STXBP5L: variants seen among roughly 807,000 people sequenced by gnomAD.
STXBP5L encodes the protein syntaxin-binding protein 5-like.
STXBP5L carries 65 observed loss-of-function variants against 144.5 expected under a neutral mutation model. The observed-to-expected ratio is 0.45, with a 90% confidence interval of 0.37 to 0.55. The LOEUF (loss-of-function observed/expected upper bound fraction) is 0.55, where lower values mean the gene tolerates loss of function less well. STXBP5L is among the 20% of genes least tolerant of loss of function. The probability of loss-of-function intolerance (pLI) is 0.00; values close to 1 mark genes in which losing one functional copy is unlikely to be tolerated. For missense variants in STXBP5L, 1,298 were observed against 1,405.5 expected (o/e 0.92, Z 1.22); for synonymous variants, 505 against 469.6 (o/e 1.08, Z -0.97).
At chr3:121,217,756 A>AT (rs2048829672) in intron 10 of STXBP5L, among the ~76,000 whole-genome samples, 1 of 151,804 alleles carries the variant, frequency 6.6e-6, no homozygotes, top group Non-Finnish European at 1.5e-5. Flanking sequence ...CCAATCTTTG[A>AT]TTTTCTGTAG....
At chr3:121,346,268 C>G (rs972355945) in intron 20 of STXBP5L, among the ~76,000 whole-genome samples, 8 of 152,026 alleles carry the variant, frequency 5.3e-5, no homozygotes, top group African/African-American at 1.9e-4. Flanking sequence ...CATGTCCCTA[C>G]AAAGGACATG....
chr3:120,993,758 C>T (rs1187713552), intron 3 of STXBP5L, among the ~76,000 whole-genome samples: 1 of 151,746 alleles, frequency 6.6e-6, no homozygotes, highest in Non-Finnish European at 1.5e-5. Flanking sequence ...TGTTCTTTTT[C>T]TTTAGGATTG....
intron 9 of STXBP5L, among the ~76,000 whole-genome samples, chr3:121,185,036 C>T (rs1255436370): frequency 6.6e-6 from 1 of 152,166 alleles, no homozygotes; most frequent in Admixed American, 6.5e-5. Flanking sequence ...ACCAGGCCTG[C>T]TTTACAAGAG....
chr3:121,357,365 C>G (rs2045554086), intron 20 of STXBP5L: 1 of 155,820 alleles, frequency 6.4e-6, no homozygotes, highest in Non-Finnish European at 1.5e-5. Flanking sequence ...ATTTAAAGGC[C>G]AATTAATTTC....
intron 19 of STXBP5L, among the ~76,000 whole-genome samples, chr3:121,284,765 G>A (rs182095472): frequency 5.6e-4 from 85 of 152,152 alleles, no homozygotes; most frequent in Admixed American, 5.5e-3. Flanking sequence ...GAGACCTAAC[G>A]TTTTAAGTCA....
intron 18 of STXBP5L, among the ~76,000 whole-genome samples, chr3:121,270,232 CTT>C (rs34309576): frequency 5.1e-3 from 706 of 137,246 alleles, no homozygotes; most frequent in East Asian, 0.025. Context: ...AGAAGAAGAG[CTT>C]TTTTTTTTTT....
At chr3:121,372,881 G>T (rs1355575164) in intron 20 of STXBP5L, among the ~76,000 whole-genome samples, 1 of 151,990 alleles carries the variant, frequency 6.6e-6, no homozygotes, top group Non-Finnish European at 1.5e-5. Flanking sequence ...TTAATTTTTT[G>T]TCTAAATGGA....
intron 3 of STXBP5L, among the ~76,000 whole-genome samples, chr3:120,981,945 G>C (rs1191196134): frequency 6.6e-6 from 1 of 152,152 alleles, no homozygotes; most frequent in Non-Finnish European, 1.5e-5. Context: ...TGAGTTCCTT[G>C]GTTATAGATA....
intron 5 of STXBP5L, among the ~76,000 whole-genome samples, chr3:121,103,092 C>A (rs1201981285): frequency 1.3e-5 from 2 of 152,132 alleles, no homozygotes. Context: ...AATGTTTGTA[C>A]ACCTTTGGTG....
chr3:120,937,546 A>C (rs925599822), intron 2 of STXBP5L, among the ~76,000 whole-genome samples: 2 of 152,120 alleles, frequency 1.3e-5, no homozygotes, highest in African/African-American at 4.8e-5. Flanking sequence ...TGTGATCCCT[A>C]TATCTGCCTG....
In STXBP5L at chr3:121,420,661, A is replaced by G. The variant is rs1302972201; in HGVS notation, c.*1564A>G. 2 of 152,168 alleles carry G rather than the reference A, an allele frequency of 1.3e-5. No individual in the cohort carries two copies. Among genetic ancestry groups the G allele is most frequent in the Non-Finnish European group, 2.9e-5 (2 of 68,016 alleles). The allele number at this position is 152,168 out of a possible 1,614,324, so 9.4% of individuals were successfully genotyped here. On this transcript the variant is annotated 3_prime_UTR_variant, in exon 27 of 27. Coordinates refer to ENST00000471454, the MANE Select transcript of STXBP5L (RefSeq NM_001308330.2). ...CTGTAATATGTTGTTTCGTCAAGAA[A>G]AGTTTTAATTATGGTTTTGGCTTAT...
At chr3:121,172,017 G>T (rs1324688121) in intron 9 of STXBP5L, among the ~76,000 whole-genome samples, 3 of 152,078 alleles carry the variant, frequency 2.0e-5, no homozygotes, top group African/African-American at 7.2e-5. Context: ...TAGACCAATG[G>T]AACAGAACCA....
chr3:121,056,873 T>G (rs1032786067), intron 5 of STXBP5L, among the ~76,000 whole-genome samples: 4 of 151,510 alleles, frequency 2.6e-5, no homozygotes, highest in Non-Finnish European at 4.4e-5. Context: ...ATATCATATA[T>G]AGAGAGAATA....
intron 9 of STXBP5L, among the ~76,000 whole-genome samples, chr3:121,166,117 G>A (rs1294501377): frequency 6.6e-6 from 1 of 151,986 alleles, no homozygotes; most frequent in Non-Finnish European, 1.5e-5. Context: ...TTGGACTCAA[G>A]TGATACTCCC....
intron 20 of STXBP5L, among the ~76,000 whole-genome samples, chr3:121,334,434 CACA>C (rs2044431453): frequency 6.9e-6 from 1 of 144,344 alleles, no homozygotes; most frequent in African/African-American, 2.5e-5. Context: ...CTGGCAGGGA[CACA>C]ACAACAAAAA....
At chr3:121,256,834 G>A (rs1386479462) in intron 16 of STXBP5L, among the ~76,000 whole-genome samples, 2 of 151,072 alleles carry the variant, frequency 1.3e-5, no homozygotes, top group African/African-American at 4.8e-5. Flanking sequence ...TATATAAATT[G>A]TAATTTATAC....
rs535280267 is a variant in STXBP5L at position 121,373,290 on chromosome 3, C to T, written c.2177-5426C>T. Among the ~76,000 whole-genome samples, 4 of 152,334 alleles carry T rather than the reference C, an allele frequency of 2.6e-5. No individual in the cohort carries two copies. In the South Asian group the frequency reaches 6.2e-4, roughly 24 times the overall value. On this transcript the variant is annotated intron_variant, in intron 20 of 26. Transcript: ENST00000471454. ...TGAGAGATTCCTAGCAGTCCACATT[C>T]CAACCACAAATGCCTGCAGTCCTAG...
chr3:121,015,429 G>A (rs957694545), intron 3 of STXBP5L, among the ~76,000 whole-genome samples: 2 of 152,112 alleles, frequency 1.3e-5, no homozygotes, highest in Admixed American at 1.3e-4. Flanking sequence ...GAAGCCTGAA[G>A]AGAAAAGCAA....
At chr3:121,054,444 C>T (rs1448569885) in intron 5 of STXBP5L, among the ~76,000 whole-genome samples, 1 of 151,950 alleles carries the variant, frequency 6.6e-6, no homozygotes, top group African/African-American at 2.4e-5. Context: ...TTTGTAGGGA[C>T]ATGGATTAAA....
Sources: gnomAD v4.1 joint callset for allele counts (sites outside exome capture counted in the v4.1 genomes callset) on GRCh38, gnomAD v4.1.1 for gene constraint, MANE v1.5 for transcripts, NCBI Gene and HGNC (gene_info 2026-07-23, HGNC 2026-07-21) for gene names.